Variants in FHIT observed in about 807,000 individuals in gnomAD.
FHIT encodes bis(5'-adenosyl)-triphosphatase.
In FHIT, 19 loss-of-function variants were observed where a neutral mutation model predicts 17.9. That is an observed-to-expected ratio of 1.06 (90% CI 0.74 to 1.56). The LOEUF is 1.56. Among genes scored for constraint, FHIT ranks in the 40% most tolerant of loss-of-function variants. The pLI, the probability that FHIT is intolerant of heterozygous loss-of-function variation, is 0.00. For synonymous variants in FHIT, 81 were observed against 69.7 expected (o/e 1.16, Z -0.81); for missense variants, 248 against 189.2 (o/e 1.31, Z -1.82).
chr3:60,346,862 G>C (rs1710805931), intron 5 of FHIT, among the ~76,000 whole-genome samples: 1 of 151,950 alleles, frequency 6.6e-6, no homozygotes. Context: ...TCCATTTTAT[G>C]GATGTTGCTT....
At chr3:59,787,543 C>A (rs1699367309) in intron 8 of FHIT, among the ~76,000 whole-genome samples, 1 of 151,138 alleles carries the variant, frequency 6.6e-6, no homozygotes. Flanking sequence ...AAAGGCTTCT[C>A]CCTCTTTATG....
At chr3:60,218,876 C>CT (rs1559736918) in intron 5 of FHIT, among the ~76,000 whole-genome samples, 1 of 151,950 alleles carries the variant, frequency 6.6e-6, no homozygotes, top group Non-Finnish European at 1.5e-5. Context: ...TACATACATA[C>CT]ATACATATAT....
In FHIT at chr3:60,725,354, C is replaced by A. The variant is rs564475263; in HGVS notation, c.-18+96565G>T. ...TGCTTTTGGCACCGTAGCTAAGAAA[C>A]CATTGCCTAACACAAGGTCATGAAG... On this transcript the variant is annotated intron_variant, in intron 4 of 9. Transcript: ENST00000492590. Among the ~76,000 whole-genome samples the A allele has an allele frequency of 4.6e-5, 7 of 152,280 alleles. No individual in the cohort carries two copies. The South Asian group carries it at 1.0e-3, about 23-fold the overall frequency.
At chr3:61,161,690 G>A (rs946589964) in intron 2 of FHIT, among the ~76,000 whole-genome samples, 1 of 152,154 alleles carries the variant, frequency 6.6e-6, no homozygotes, top group African/African-American at 2.4e-5. Flanking sequence ...AGAAACAAGA[G>A]ACAGCATGCA....
At chr3:61,113,831 T>C (rs1464494229) in intron 2 of FHIT, among the ~76,000 whole-genome samples, 1 of 152,220 alleles carries the variant, frequency 6.6e-6, no homozygotes, top group Admixed American at 6.5e-5. Context: ...CCTGGGTTGC[T>C]ATCGCTGTAA....
At chr3:60,621,561 C>A (rs974429758) in intron 4 of FHIT, among the ~76,000 whole-genome samples, 1 of 151,790 alleles carries the variant, frequency 6.6e-6, no homozygotes, top group Non-Finnish European at 1.5e-5. Context: ...CTTAAAGCAA[C>A]TACTAGTGAC....
At chr3:59,982,172 C>T (rs1285419903) in intron 7 of FHIT, among the ~76,000 whole-genome samples, 5 of 152,092 alleles carry the variant, frequency 3.3e-5, no homozygotes, top group African/African-American at 1.2e-4. Context: ...ACTGCCTTAG[C>T]TTGTGAAGAT....
At chr3:60,879,648 T>C (rs1704862359) in intron 3 of FHIT, among the ~76,000 whole-genome samples, 1 of 151,428 alleles carries the variant, frequency 6.6e-6, no homozygotes, top group African/African-American at 2.4e-5. Flanking sequence ...TACAAGAAAA[T>C]ACAGATAGAC....
intron 5 of FHIT, among the ~76,000 whole-genome samples, chr3:60,272,386 G>T (rs932255178): frequency 6.6e-6 from 1 of 152,180 alleles, no homozygotes; most frequent in South Asian, 2.1e-4. Context: ...TAGAAGATCT[G>T]CAAAGGCAGA....
chr3:59,865,863 A>C (rs1385716454), intron 8 of FHIT, among the ~76,000 whole-genome samples: 13 of 152,184 alleles, frequency 8.5e-5, no homozygotes, highest in African/African-American at 3.1e-4. Flanking sequence ...TGAGAGCCTG[A>C]GGTTCGGCAG....
At chr3:59,848,447 A>T (rs1329967201) in intron 8 of FHIT, among the ~76,000 whole-genome samples, 1 of 152,220 alleles carries the variant, frequency 6.6e-6, no homozygotes, top group Non-Finnish European at 1.5e-5. Flanking sequence ...GATTTAAAAA[A>T]ATCACAGACC....
At chr3:60,205,349 A>T (rs1703124076) in intron 5 of FHIT, among the ~76,000 whole-genome samples, 1 of 152,224 alleles carries the variant, frequency 6.6e-6, no homozygotes, top group Non-Finnish European at 1.5e-5. Flanking sequence ...AAATACACGT[A>T]TGTATTAACA....
At chr3:59,986,568 CATATAT>C (rs1491363412) in intron 7 of FHIT, among the ~76,000 whole-genome samples, 2 of 67,480 alleles carry the variant, frequency 3.0e-5, no homozygotes, top group African/African-American at 2.0e-4. Context: ...CACACACACA[CATATAT>C]ACACACACAC....
intron 5 of FHIT, among the ~76,000 whole-genome samples, chr3:60,051,081 C>T (rs2106879300): frequency 6.6e-6 from 1 of 152,182 alleles, no homozygotes; most frequent in Middle Eastern, 3.4e-3. Context: ...CAATGCTCTG[C>T]TAAAGTAAGG....
At chr3:60,675,311 C>T (rs2040596528) in intron 4 of FHIT, among the ~76,000 whole-genome samples, 1 of 152,168 alleles carries the variant, frequency 6.6e-6, no homozygotes. Flanking sequence ...ATTTATTCTA[C>T]CACCTGCTAC....
rs576398639 is a variant in FHIT at position 60,908,138 on chromosome 3, A to G, written c.-110-86127T>C. On this transcript the variant is annotated intron_variant, in intron 3 of 9. Transcript: ENST00000492590. The stretch of plus-strand genomic sequence containing the variant: ...CTAATGCAGAATTCTGGAGGGTTCA[A>G]TTGGTTCCAATTAGTTCTTTTTCCT... Among the ~76,000 whole-genome samples, 4 of 152,308 alleles carry G rather than the reference A, an allele frequency of 2.6e-5. No homozygotes were observed. The South Asian group carries it at 8.3e-4, about 32-fold the overall frequency.
intron 4 of FHIT, among the ~76,000 whole-genome samples, chr3:60,777,099 C>T (rs1700237449): frequency 6.6e-6 from 1 of 152,172 alleles, no homozygotes; most frequent in South Asian, 2.1e-4. Context: ...TCTGAGTCAT[C>T]ATTTTGACAA....
intron 2 of FHIT, among the ~76,000 whole-genome samples, chr3:61,050,865 C>T (rs918559606): frequency 6.6e-6 from 1 of 152,182 alleles, no homozygotes; most frequent in African/African-American, 2.4e-5. Context: ...CTGGGCAGAT[C>T]ACTACAGCCT....
chr3:61,182,992 A>G (rs2038389554), intron 2 of FHIT, among the ~76,000 whole-genome samples: 1 of 152,216 alleles, frequency 6.6e-6, no homozygotes, highest in Non-Finnish European at 1.5e-5. Context: ...AGGTCTCTTC[A>G]TTGTGGCTGA....
Sources: gnomAD v4.1 joint callset for allele counts (sites outside exome capture counted in the v4.1 genomes callset) on GRCh38, gnomAD v4.1.1 for gene constraint, MANE v1.5 for transcripts, NCBI Gene and HGNC (gene_info 2026-07-23, HGNC 2026-07-21) for gene names.